Variants in MED16 observed in about 807,000 individuals in gnomAD.
MED16 encodes the protein mediator of RNA polymerase II transcription subunit 16.
A neutral mutation model predicts 84.4 loss-of-function variants in MED16; 81 were observed. The observed-to-expected ratio is 0.96, with a 90% confidence interval of 0.80 to 1.15. MED16 has a LOEUF of 1.15. MED16 is among the 50% of genes most tolerant of loss of function. MED16 has a pLI of 0.00. For missense variants in MED16, 1,585 were observed against 1,245.9 expected (o/e 1.27, Z -4.10); for synonymous variants, 897 against 552.2 (o/e 1.62, Z -8.76).
At chr19:876,624 C>G (rs568342317) in intron 9 of MED16, among the ~76,000 whole-genome samples, 1 of 152,062 alleles carries the variant, frequency 6.6e-6, no homozygotes, top group Non-Finnish European at 1.5e-5. Flanking sequence ...GGAGCACACC[C>G]CACACGCAGC....
Position 891,617 on chromosome 19 carries a change from G to A in MED16, c.-18-468C>T, listed in dbSNP as rs550803713. ...TGAGTGACAGGGAACACCTGTGGCC[G>A]AGGCGGGGCTGAGTGACAGGGAACA... is the stretch of plus-strand genomic sequence containing the variant. On this transcript the variant is annotated intron_variant, in intron 1 of 15. Transcript: ENST00000325464. 4.6e-5 allele frequency among the ~76,000 whole-genome samples: 7 copies of A among 151,832 alleles called. No individual in the cohort carries two copies. In the South Asian group the frequency reaches 1.3e-3, roughly 27 times the overall value.
At chr19:891,268 AG>A (rs765430593) in intron 1 of MED16, 119 bp from the exon 2 acceptor site, 443 of 974,576 alleles carry the variant, frequency 4.5e-4, no homozygotes, top group Non-Finnish European at 6.3e-4. Context: ...GCCGATGCAA[AG>A]GCCCGGAGGC....
chr19:874,329 A>G (rs1017131696), intron 10 of MED16, among the ~76,000 whole-genome samples: 1 of 152,120 alleles, frequency 6.6e-6, no homozygotes, highest in East Asian at 1.9e-4. Context: ...AGCCAGGATG[A>G]TCTCGATCTC....
intron 4 of MED16, 117 bp from the exon 5 acceptor site, chr19:886,318 G>T: frequency 1.1e-6 from 1 of 908,608 alleles, no homozygotes; most frequent in Non-Finnish European, 1.6e-6. Flanking sequence ...GTGCACCTGG[G>T]TTCAGATCCT....
At chr19:882,515 G>C (rs751752906) in intron 6 of MED16, among the ~76,000 whole-genome samples, 1 of 152,204 alleles carries the variant, frequency 6.6e-6, no homozygotes, top group Admixed American at 6.5e-5. Context: ...CACAGCAAGA[G>C]CCTAGCTCAA....
chr19:872,451 G>C (rs1277652377), intron 11 of MED16, among the ~76,000 whole-genome samples: 2 of 152,054 alleles, frequency 1.3e-5, no homozygotes, highest in Admixed American at 6.5e-5. Flanking sequence ...CGGGCCCCTG[G>C]TGACTGTACT....
At chr19:877,717 C>T (rs2036286887) in intron 8 of MED16, among the ~76,000 whole-genome samples, 1 of 138,940 alleles carries the variant, frequency 7.2e-6, no homozygotes, top group African/African-American at 2.7e-5. Flanking sequence ...CCACCAGCCC[C>T]TGCCCCACGT....
chr19:882,693 C>A (rs144442835), intron 6 of MED16, among the ~76,000 whole-genome samples: 1 of 152,216 alleles, frequency 6.6e-6, no homozygotes, highest in South Asian at 2.1e-4. Flanking sequence ...ACCAGGAGAG[C>A]GCAGCTGAGG....
chr19:879,247 A>C (rs1420191769), intron 8 of MED16, among the ~76,000 whole-genome samples: 1 of 138,118 alleles, frequency 7.2e-6, no homozygotes, highest in African/African-American at 2.8e-5. Flanking sequence ...CACATGCCCC[A>C]GCAGCTCGCC....
chr19:885,113 G>C, intron 5 of MED16, 105 bp from the exon 6 acceptor site: 1 of 834,460 alleles, frequency 1.2e-6, no homozygotes, highest in Non-Finnish European at 1.9e-6. Flanking sequence ...TGCTGGGCCT[G>C]TCTCTTCAGC....
intron 8 of MED16, among the ~76,000 whole-genome samples, chr19:878,639 T>G (rs555001177): frequency 1.6e-5 from 2 of 126,824 alleles, no homozygotes; most frequent in African/African-American, 3.0e-5. Flanking sequence ...CAGCCCCACG[T>G]GCCCCAGCAG....
chr19:880,188 A>T, intron 7 of MED16, 40 bp from the exon 8 acceptor site: 1 of 1,548,780 alleles, frequency 6.5e-7, no homozygotes, highest in Non-Finnish European at 8.7e-7. Flanking sequence ...GGCAGGGCCC[A>T]GGACACGCCC....
At chr19:873,394 T>TGATGAGATGGGGGCCC in intron 11 of MED16, 55 bp downstream of exon 11, 1 of 1,492,870 alleles carries the variant, frequency 6.7e-7, no homozygotes, top group Admixed American at 2.0e-5. Context: ...AGCGGGGTCC[T>TGATGAGATGGGGGCCC]GATGAGATGG....
intron 10 of MED16, among the ~76,000 whole-genome samples, chr19:874,307 T>A (rs2036176700): frequency 6.6e-6 from 1 of 151,974 alleles, no homozygotes; most frequent in Non-Finnish European, 1.5e-5. Flanking sequence ...AGAGACGGGG[T>A]TTCACCGTGT....
At chr19:872,185 T>A (rs1241819884) in intron 11 of MED16, 67 bp from the exon 12 acceptor site, 6 of 1,416,548 alleles carry the variant, frequency 4.2e-6, no homozygotes, top group Admixed American at 4.1e-5. Context: ...TGAAGTGTCT[T>A]GGGGTCGGTG....
Position 881,762 on chromosome 19 carries a change from G to A in MED16, c.986-48C>T, listed in dbSNP as rs117089972. ...ACAGGAAGGCAATGGAGTAAAGACAGGCTGAGACAGCCGCAGGAGTCCAGC... is the reference window on the plus strand; with the variant it reads ...ACAGGAAGGCAATGGAGTAAAGACAAGCTGAGACAGCCGCAGGAGTCCAGC... On this transcript the variant is annotated intron_variant, in intron 6 of 15. Transcript: ENST00000325464. 124 of 1,583,838 alleles carry A rather than the reference G, an allele frequency of 7.8e-5. 1 individual carries two copies. In the East Asian group the frequency reaches 2.4e-3, roughly 30 times the overall value.
chr19:874,372 A>G (rs1261548211), intron 10 of MED16, among the ~76,000 whole-genome samples: 1 of 152,044 alleles, frequency 6.6e-6, no homozygotes, highest in Non-Finnish European at 1.5e-5. Flanking sequence ...TTGGCCTCCC[A>G]AAGTGCTGGG....
chr19:870,091 C>T (rs939347983), intron 13 of MED16, among the ~76,000 whole-genome samples: 4 of 151,880 alleles, frequency 2.6e-5, no homozygotes, highest in African/African-American at 9.7e-5. Flanking sequence ...CCTCTTGCCC[C>T]CGGGAGATCC....
intron 11 of MED16, chr19:872,855 TG>T (rs1441605460): frequency 4.5e-6 from 3 of 669,200 alleles, no homozygotes; most frequent in African/African-American, 2.1e-5. Context: ...GAGCAGGGCC[TG>T]GGAGGCGGGG....
Sources: allele counts gnomAD v4.1 joint callset (sites outside exome capture counted in the v4.1 genomes callset), GRCh38; gene constraint gnomAD v4.1.1; transcripts MANE v1.5; gene names NCBI Gene and HGNC (gene_info 2026-07-23, HGNC 2026-07-21).